The following SART3 variants were observed in gnomAD, a reference collection of about 807,000 sequenced individuals.
The protein encoded by SART3 is spliceosome associated factor 3, U4/U6 recycling protein, also known as HIV-1 Tat-interacting protein of 110kDa.
In SART3, 44 loss-of-function variants were observed where a neutral mutation model predicts 122.3. The ratio of observed to expected loss-of-function variants is 0.36; its 90% CI spans 0.28 to 0.46. SART3 has a LOEUF of 0.46. Ranked by LOEUF, SART3 falls within the 20% of genes least tolerant of loss-of-function variation. The pLI is 1.00. For missense variants in SART3, 1,101 were observed against 1,229.0 expected (o/e 0.90, Z 1.56); for synonymous variants, 442 against 454.0 (o/e 0.97, Z 0.34).
intron 1 of SART3, chr12:108,549,471 A>G: frequency 4.3e-6 from 2 of 464,980 alleles, no homozygotes; most frequent in South Asian, 4.5e-5. Context: ...TTGGAAATAA[A>G]GGAGGCATTC....
At chr12:108,525,994 G>T in intron 16 of SART3, 105 bp downstream of exon 16, 1 of 973,042 alleles carries the variant, frequency 1.0e-6, no homozygotes. Context: ...GATCCAAACA[G>T]AGCGTAAAAC....
At position 108,538,080 on chromosome 12, in the gene SART3, G is replaced by C. The variant is rs1428212124; in HGVS notation, c.1186C>G (p.His396Asp). The change falls in exon 8 of 19, where the codon CAT (histidine) becomes GAT (aspartate). Residue 396 changes from histidine (H) to aspartate (D), a missense_variant. Physicochemically the swap from His to Asp is moderately conservative, Grantham distance 81 (BLOSUM62 -1). Transcript: ENST00000546815. ...LLAMERHGVD[H>D]QVISVTFEKA... The stretch of plus-strand genomic sequence containing the variant: ...ACATCCGCACCAGAAATTACTTGAT[G>C]ATCAACTCCATGTCTCTCCATGGCC... 1 of 1,614,140 alleles carries C rather than the reference G, an allele frequency of 6.2e-7. No individual in the cohort carries two copies.
chr12:108,532,174 A>C, intron 13 of SART3, 48 bp downstream of exon 13: 1 of 1,539,694 alleles, frequency 6.5e-7, no homozygotes, highest in South Asian at 1.1e-5. Flanking sequence ...TTGAGACCAA[A>C]CAGCAAATGG....
In SART3 at chr12:108,545,214, A is replaced by G; in HGVS notation, c.654T>C (p.Gly218=). The G allele has an allele frequency of 6.2e-7, 1 of 1,614,112 alleles. No homozygotes were observed. Among genetic ancestry groups the G allele is most frequent in the Non-Finnish European group, 8.5e-7 (1 of 1,180,022 alleles). Residue 218 remains glycine (G), a synonymous_variant, in exon 4 of 19, where the codon GGT becomes GGC. Coordinates refer to ENST00000546815, the MANE Select transcript of SART3 (RefSeq NM_014706.4). ...GGGCGAGTCCTTTGGTCATATGTAAACCAACAGACGAGAGAGCCCTTTCAA... is the reference window on the plus strand; with the variant it reads ...GGGCGAGTCCTTTGGTCATATGTAAGCCAACAGACGAGAGAGCCCTTTCAA... ...SVFERALSSV[G]LHMTKGLALW... is the part of the protein sequence containing the mutation.
rs192376834 is a variant in SART3, at chr12:108,548,795, T to C, written c.439+293A>G. ...GTTTCAAGAGAATGGTTTAAATACA[T>C]AAATAGTGAAATGGGAAATACAGAA... is the stretch of plus-strand genomic sequence containing the variant. On this transcript the variant is annotated intron_variant, in intron 2 of 18. Transcript: ENST00000546815. 2.9e-3 allele frequency among the ~76,000 whole-genome samples: 443 copies of C among 152,292 alleles called. 3 individuals carry two copies. Among genetic ancestry groups the C allele is most frequent in the Non-Finnish European group, 5.4e-3 (366 of 68,004 alleles).
intron 11 of SART3, chr12:108,535,690 C>A: frequency 1.8e-6 from 1 of 566,984 alleles, no homozygotes; most frequent in Non-Finnish European, 3.3e-6. Context: ...TTCCTGAGAA[C>A]CGAGAGAGGG....
rs1342542773 is a variant in SART3, at chr12:108,536,369, G to A, written c.1446+145C>T. ...GGTAAATAACATGAATCCTTGTGGA[G>A]CCTAGACCATTACCTAGGTAATAAC... On this transcript the variant is annotated intron_variant, in intron 11 of 18. Coordinates refer to ENST00000546815, the MANE Select transcript of SART3 (RefSeq NM_014706.4). 8.5e-6 allele frequency: 7 copies of A among 824,868 alleles called. No individual in the cohort carries two copies. In the Admixed American group the frequency reaches 1.3e-4, roughly 15 times the overall value. The allele number at this position is 824,868 out of a possible 1,614,324, so 51.1% of individuals were successfully genotyped here.
At chr12:108,524,772 A>AGAAAGAAAGAAG in intron 17 of SART3, 3 of 541,026 alleles carry the variant, frequency 5.5e-6, no homozygotes, top group Non-Finnish European at 6.7e-6. Context: ...CTGCAGAAGT[A>AGAAAGAAAGAAG]GAAAGAAAGA....
At position 108,551,923 on chromosome 12, in the gene SART3, A is replaced by C. The variant is rs1455725278; in HGVS notation, c.313-2709T>G. Among the ~76,000 whole-genome samples, 3 of 152,012 alleles carry C rather than the reference A, an allele frequency of 2.0e-5. No homozygotes were observed. In the East Asian group the frequency reaches 5.8e-4, roughly 29 times the overall value. ...AATGAAAATGAAATTGCAACAAATC[A>C]AAATAAGTAGGATGCTACTAAAACA... On this transcript the variant is annotated intron_variant, in intron 1 of 18. Coordinates refer to ENST00000546815, the MANE Select transcript of SART3 (RefSeq NM_014706.4).
intron 12 of SART3, among the ~76,000 whole-genome samples, chr12:108,533,890 C>A (rs2136671191): frequency 6.6e-6 from 1 of 152,270 alleles, no homozygotes; most frequent in Non-Finnish European, 1.5e-5. Flanking sequence ...ATTCCACATG[C>A]AACACTGAAG....
At chr12:108,546,507 G>A (rs946716177) in intron 3 of SART3, among the ~76,000 whole-genome samples, 1 of 145,500 alleles carries the variant, frequency 6.9e-6, no homozygotes, top group Admixed American at 7.1e-5. Flanking sequence ...TCTGAAAGGG[G>A]AAATTTTTTT....
chr12:108,545,177 A>C lies in SART3; in HGVS notation c.691T>G (p.Tyr231Asp), dbSNP rs762800457. 6.2e-7 allele frequency: 1 copy of C among 1,614,120 alleles called. No homozygotes were observed. The highest frequency in any genetic ancestry group is 8.5e-7 in the Non-Finnish European group (1 of 1,180,010). Residue 231 changes from tyrosine (Y) to aspartate (D), a missense_variant, in exon 4 of 19, where the codon TAC becomes GAC. Transcript: ENST00000546815. The stretch of plus-strand genomic sequence containing the variant: ...ACAATCGCACTTTCAAACTCTCGGT[A>C]AGCCTCCCAGAGGGCGAGTCCTTTG... ...MTKGLALWEA[Y>D]REFESAIVEA... is the part of the protein sequence containing the mutation.
At chr12:108,550,963 A>G (rs1216760795) in intron 1 of SART3, among the ~76,000 whole-genome samples, 1 of 152,236 alleles carries the variant, frequency 6.6e-6, no homozygotes, top group African/African-American at 2.4e-5. Context: ...GAAAATAGTA[A>G]AACGGCAGGC....
At chr12:108,537,238 G>A (rs772346961) in intron 9 of SART3, 142 of 493,812 alleles carry the variant, frequency 2.9e-4, no homozygotes, top group Middle Eastern at 1.1e-3. Context: ...AAAAAGACCT[G>A]AAAGGAGAAA....
intron 17 of SART3, chr12:108,524,755 G>C (rs1029171003): frequency 3.5e-6 from 2 of 571,852 alleles, no homozygotes; most frequent in Admixed American, 3.0e-5. Flanking sequence ...AGCACACCTT[G>C]TACGTGCTGC....
intron 1 of SART3, among the ~76,000 whole-genome samples, chr12:108,558,808 C>T (rs879707425): frequency 6.0e-4 from 91 of 152,046 alleles, no homozygotes; most frequent in Non-Finnish European, 1.1e-3. Context: ...CCGAGGCGGG[C>T]GGATCACGAG....
rs772899105 is a variant in SART3 at position 108,537,545 on chromosome 12, C to T, written c.1252G>A (p.Val418Met). ...TCAAGGTATGCCTGCCAAATCTCCA[C>T]ATAATCAGTGGCCTGGATGAAGCCG... ...NAGFIQATDYVEIWQAYLDYL... is the reference protein window; with the variant it reads ...NAGFIQATDYMEIWQAYLDYL... The change falls in exon 9 of 19, where the codon GTG becomes ATG. Residue 418 changes from valine (V) to methionine (M), a missense_variant. Coordinates refer to ENST00000546815, the MANE Select transcript of SART3 (RefSeq NM_014706.4). 18 of 1,614,012 alleles carry T rather than the reference C, an allele frequency of 1.1e-5. No homozygotes were observed. The highest frequency in any genetic ancestry group is 1.5e-5 in the Non-Finnish European group (18 of 1,179,986).
At chr12:108,532,433 T>A in intron 12 of SART3, 99 bp from the exon 13 acceptor site, 1 of 894,760 alleles carries the variant, frequency 1.1e-6, no homozygotes, top group Middle Eastern at 2.1e-4. Context: ...CACTCTTCAG[T>A]AACTCTAGCT....
At chr12:108,541,542 C>T (rs1565863192) in intron 6 of SART3, among the ~76,000 whole-genome samples, 3 of 149,334 alleles carry the variant, frequency 2.0e-5, no homozygotes, top group African/African-American at 7.4e-5. Context: ...GGGTCAAAGA[C>T]TTTTTTTTTT....
Sources: allele counts gnomAD v4.1 joint callset (sites outside exome capture counted in the v4.1 genomes callset), GRCh38; gene constraint gnomAD v4.1.1; transcripts MANE v1.5; gene names NCBI Gene and HGNC (gene_info 2026-07-23, HGNC 2026-07-21).